The following FSCN2 variants were observed in gnomAD, a reference collection of about 807,000 sequenced individuals.
FSCN2 encodes the protein fascin actin-bundling protein 2, retinal, also known as fascin-2.
Under a neutral mutation model 37.8 loss-of-function variants are expected in FSCN2, and 46 were observed. The ratio of observed to expected loss-of-function variants is 1.22; its 90% CI spans 0.96 to 1.56. FSCN2 has a LOEUF of 1.56. Ranked by LOEUF, FSCN2 falls within the 40% of genes most tolerant of loss-of-function variation. FSCN2 has a pLI of 0.00. For synonymous variants in FSCN2, 351 were observed against 309.4 expected (o/e 1.13, Z -1.41); for missense variants, 844 against 730.4 (o/e 1.16, Z -1.79).
chr17:81,518,346 T>TGCCCCTGTACCTGGTATA, the FSCN2 span, among the ~76,000 whole-genome samples: 1 of 146,214 alleles, frequency 6.8e-6, no homozygotes, highest in Non-Finnish European at 1.5e-5. Flanking sequence ...GTGAAGCTGG[T>TGCCCCTGTACCTGGTATA]GCCCCTGTAC....
the FSCN2 span, among the ~76,000 whole-genome samples, chr17:81,520,749 A>C: frequency 6.6e-6 from 1 of 152,232 alleles, no homozygotes; most frequent in Non-Finnish European, 1.5e-5. Context: ...AAGAGCCTTC[A>C]GGCTTTTCCT....
chr17:81,531,326 G>GAT (rs1555671260), intron 1 of FSCN2, among the ~76,000 whole-genome samples: 23 of 71,324 alleles, frequency 3.2e-4, no homozygotes, highest in African/African-American at 4.1e-4. Context: ...TGATGATGGT[G>GAT]GTGGTGGTGA....
rs764795933 is a variant in FSCN2, at chr17:81,536,606, AC to A, written c.1106-15del. 1 of 1,606,804 alleles carries A rather than the reference AC, an allele frequency of 6.2e-7. No individual in the cohort carries two copies. Among genetic ancestry groups the A allele is most frequent in the Non-Finnish European group, 8.5e-7 (1 of 1,179,498 alleles). On this transcript the variant is annotated splice_polypyrimidine_tract_variant and intron_variant, in intron 3 of 4. Transcript: ENST00000417245. ...GGTGGCGGGAGGGGCAGCGCAGCAG[AC>A]GCTCTCCCCGCCAGGCAAGGACGAA...
chr17:81,525,345 G>A (rs533601964), upstream of FSCN2, among the ~76,000 whole-genome samples: 4 of 150,340 alleles, frequency 2.7e-5, no homozygotes, highest in African/African-American at 9.8e-5. Context: ...AGAATCGCCT[G>A]AACCTGGGAG....
At chr17:81,524,507 C>A (rs2032290490), upstream of FSCN2, among the ~76,000 whole-genome samples, 1 of 152,208 alleles carries the variant, frequency 6.6e-6, no homozygotes, top group South Asian at 2.1e-4. Context: ...TGTGGCAGCG[C>A]CTTTGAATGT....
chr17:81,525,444 T>C (rs1303258441), upstream of FSCN2, among the ~76,000 whole-genome samples: 1 of 96,486 alleles, frequency 1.0e-5, no homozygotes, highest in African/African-American at 4.3e-5. Flanking sequence ...AAAAAAAGGC[T>C]GTGCCTGGTG....
the FSCN2 span, among the ~76,000 whole-genome samples, chr17:81,518,709 T>G: frequency 6.6e-6 from 1 of 152,136 alleles, no homozygotes; most frequent in African/African-American, 2.4e-5. Context: ...GGAAAGCCTG[T>G]TTAACCCGTC....
In FSCN2 at chr17:81,532,476, GTGA is replaced by G. The variant is rs1243972341; in HGVS notation, c.827-2571_827-2569del. On this transcript the variant is annotated intron_variant, in intron 1 of 4. Coordinates refer to ENST00000417245, the MANE Select transcript of FSCN2 (RefSeq NM_012418.4). ...GATGGTGGTGGTGATGGTGGTGGTG[GTGA>G]TGATAGTGATGGTGATGATGGTGAT... Among the ~76,000 whole-genome samples, 1,191 of 136,330 alleles carry G rather than the reference GTGA, an allele frequency of 8.7e-3. 43 individuals carry two copies. The highest frequency in any genetic ancestry group is 0.031 in the African/African-American group (1,114 of 35,658). The allele number at this position is 136,330 out of a possible 152,430, so 89.4% of individuals were successfully genotyped here.
Position 81,537,090 on chromosome 17 carries a change from C to A in FSCN2, c.*10C>A. Reference sequence around the variant, plus strand: ...GCTTTGGGAGTACTGAGGCCGCGCCCAGACCAGCCTGTCGCGCATTAAAAC... The same window carrying A: ...GCTTTGGGAGTACTGAGGCCGCGCCAAGACCAGCCTGTCGCGCATTAAAAC... On this transcript the variant is annotated 3_prime_UTR_variant, in exon 5 of 5. Coordinates refer to ENST00000417245, the MANE Select transcript of FSCN2 (RefSeq NM_012418.4). 1 of 1,417,850 alleles carries A rather than the reference C, an allele frequency of 7.1e-7. No individual in the cohort carries two copies. The highest frequency in any genetic ancestry group is 9.2e-7 in the Non-Finnish European group (1 of 1,092,534). 87.8% of individuals were successfully genotyped at this position (1,417,850 alleles called of 1,614,324 possible).
chr17:81,515,082 A>G, the FSCN2 span, among the ~76,000 whole-genome samples: 1 of 146,686 alleles, frequency 6.8e-6, no homozygotes, highest in African/African-American at 2.5e-5. Flanking sequence ...GAGTCCCGGG[A>G]CCGACGGCGG....
chr17:81,532,344 A>ATAG (rs1390091540), intron 1 of FSCN2, among the ~76,000 whole-genome samples: 10 of 124,884 alleles, frequency 8.0e-5, no homozygotes, highest in Non-Finnish European at 1.5e-4. Context: ...GGTGATGATG[A>ATAG]TGATAGTGAT....
At chr17:81,515,675 GC>G in the FSCN2 span, among the ~76,000 whole-genome samples, 3 of 152,142 alleles carry the variant, frequency 2.0e-5, no homozygotes, top group Non-Finnish European at 4.4e-5. Context: ...CACCGGATCA[GC>G]CCCCGGACTC....
At chr17:81,534,468 C>T (rs2032786197) in intron 1 of FSCN2, among the ~76,000 whole-genome samples, 1 of 152,100 alleles carries the variant, frequency 6.6e-6, no homozygotes, top group Non-Finnish European at 1.5e-5. Context: ...TGCCTGCTGT[C>T]CCCATGCTGG....
At chr17:81,519,242 C>T in the FSCN2 span, 1 of 152,278 alleles carries the variant, frequency 6.6e-6, no homozygotes, top group Admixed American at 6.5e-5. Context: ...TCCTGCGCCC[C>T]CTCCCCACGC....
At chr17:81,524,206 C>A (rs1353070157), upstream of FSCN2, among the ~76,000 whole-genome samples, 1 of 152,232 alleles carries the variant, frequency 6.6e-6, no homozygotes, top group East Asian at 1.9e-4. Context: ...GCTGGCCCCG[C>A]ACTGAGAGGG....
chr17:81,516,846 G>C, the FSCN2 span, among the ~76,000 whole-genome samples: 2 of 151,500 alleles, frequency 1.3e-5, no homozygotes, highest in African/African-American at 4.8e-5. Flanking sequence ...GTCTCTGCAT[G>C]TGTTGTCCAA....
chr17:81,531,456 ATGG>A lies in FSCN2; in HGVS notation c.826+2102_826+2104del, dbSNP rs2032588796. 2.0e-4 allele frequency among the ~76,000 whole-genome samples: 15 copies of A among 73,516 alleles called. No homozygotes were observed. The South Asian group carries it at 7.4e-3, about 36-fold the overall frequency. The allele number at this position is 73,516 out of a possible 152,430, so 48.2% of individuals were successfully genotyped here. On this transcript the variant is annotated intron_variant, in intron 1 of 4. Coordinates refer to ENST00000417245, the MANE Select transcript of FSCN2 (RefSeq NM_012418.4). Reference sequence around the variant, plus strand: ...GGAGATGGTGGTGATGGTGGTGGTGATGGTGATGATGGTGGTGGTGGTGATGGT... The same window carrying A: ...GGAGATGGTGGTGATGGTGGTGGTGATGATGATGGTGGTGGTGGTGATGGT...
At position 81,536,990 on chromosome 17, in the gene FSCN2, C is replaced by T. The variant is rs753047405; in HGVS notation, c.1389C>T (p.Ala463=). The change falls in exon 5 of 5, where the codon GCC becomes GCT. Residue 463 remains alanine, a synonymous_variant. Coordinates refer to ENST00000417245, the MANE Select transcript of FSCN2 (RefSeq NM_012418.4). ...FRERGRLAIR[A]RSGKYLRGGA... Reference sequence around the variant, plus strand: ...AGCGCGGCCGCCTGGCCATCCGCGCCCGGAGCGGCAAGTACCTGCGCGGCG... The same window carrying T: ...AGCGCGGCCGCCTGGCCATCCGCGCTCGGAGCGGCAAGTACCTGCGCGGCG... The T allele has an allele frequency of 4.6e-6, 7 of 1,527,772 alleles. No homozygotes were observed. In the East Asian group the frequency reaches 1.6e-4, roughly 34 times the overall value. The allele number at this position is 1,527,772 out of a possible 1,614,324, so 94.6% of individuals were successfully genotyped here.
chr17:81,525,425 C>CAAAAAAAAAAAAAAAAAAA (rs1202765459), upstream of FSCN2, among the ~76,000 whole-genome samples: 1,587 of 47,286 alleles, frequency 0.034, 150 homozygotes, highest in Non-Finnish European at 0.048. Context: ...GACTCTGTCT[C>CAAAAAAAAAAAAAAAAAAA]AAAAAAAAAA....
Sources: gnomAD v4.1 joint callset for allele counts (sites outside exome capture counted in the v4.1 genomes callset) on GRCh38, gnomAD v4.1.1 for gene constraint, MANE v1.5 for transcripts, NCBI Gene and HGNC (gene_info 2026-07-23, HGNC 2026-07-21) for gene names.